Variants in HRH1 observed in about 807,000 individuals in gnomAD.
HRH1 encodes histamine H1 receptor.
In HRH1, 6 loss-of-function variants were observed where a neutral mutation model predicts 10.3. That is an observed-to-expected ratio of 0.58 (90% confidence interval 0.32 to 1.15). The LOEUF (loss-of-function observed/expected upper bound fraction) is 1.15. Ranked by LOEUF, HRH1 falls within the 50% of genes most tolerant of loss-of-function variation. The probability of loss-of-function intolerance (pLI) is 0.05; values close to 1 mark genes in which losing one functional copy is unlikely to be tolerated. For missense variants in HRH1, 514 were observed against 615.3 expected, an observed-to-expected ratio of 0.84 and a Z score of 1.74; for synonymous variants, 242 against 236.7, an observed-to-expected ratio of 1.02 and a Z score of -0.21.
intron 1 of HRH1, among the ~76,000 whole-genome samples, chr3:11,155,104 C>T (rs1020612025): frequency 2.0e-5 from 3 of 152,152 alleles, no homozygotes; most frequent in Non-Finnish European, 4.4e-5. Context: ...CGGAGTCATC[C>T]TGATCCAAAT....
At chr3:11,156,515 GA>G in intron 1 of HRH1, among the ~76,000 whole-genome samples, 1 of 152,308 alleles carries the variant, frequency 6.6e-6, no homozygotes, top group South Asian at 2.1e-4. Flanking sequence ...CCTTAGCAGA[GA>G]AAACACATAG....
intron 1 of HRH1, among the ~76,000 whole-genome samples, chr3:11,240,464 G>T (rs1376224338): frequency 6.6e-6 from 1 of 151,926 alleles, no homozygotes; most frequent in Non-Finnish European, 1.5e-5. Flanking sequence ...TCTCCAGGTT[G>T]CCCCGATCCC....
chr3:11,164,421 G>C (rs2125009785), intron 1 of HRH1, among the ~76,000 whole-genome samples: 1 of 152,284 alleles, frequency 6.6e-6, no homozygotes, highest in African/African-American at 2.4e-5. Context: ...ATGCTTCCAT[G>C]ACACTGTGCA....
intron 1 of HRH1, among the ~76,000 whole-genome samples, chr3:11,188,956 C>T (rs868548487): frequency 2.2e-4 from 34 of 152,194 alleles, no homozygotes; most frequent in African/African-American, 7.7e-4. Context: ...GACTTAATTT[C>T]CTCATTCCTG....
At chr3:11,215,038 G>T (rs1575018195) in intron 1 of HRH1, among the ~76,000 whole-genome samples, 1 of 152,218 alleles carries the variant, frequency 6.6e-6, no homozygotes, top group Non-Finnish European at 1.5e-5. Context: ...TGGTGACTAT[G>T]ACATGGCTGA....
intron 1 of HRH1, among the ~76,000 whole-genome samples, chr3:11,213,930 T>C (rs2125035954): frequency 6.6e-6 from 1 of 152,286 alleles, no homozygotes; most frequent in South Asian, 2.1e-4. Context: ...CGTAAAGAGA[T>C]GGCAGGTTTT....
intron 1 of HRH1, among the ~76,000 whole-genome samples, chr3:11,208,390 G>A (rs1440084990): frequency 6.6e-6 from 1 of 152,018 alleles, no homozygotes; most frequent in South Asian, 2.1e-4. Context: ...GAGCTCAAGC[G>A]ATCTACCCGC....
chr3:11,232,097 T>C (rs1288587234), intron 1 of HRH1, among the ~76,000 whole-genome samples: 2 of 151,974 alleles, frequency 1.3e-5, no homozygotes, highest in African/African-American at 4.8e-5. Context: ...TTCAAGCGAT[T>C]CTGCCTCAGC....
chr3:11,258,866 A>T (rs966014078), intron 1 of HRH1, 137 bp from the exon 2 acceptor site: 1 of 589,580 alleles, frequency 1.7e-6, no homozygotes, highest in African/African-American at 1.9e-5. Flanking sequence ...GGAAAAGGGT[A>T]CATGGCTATT....
At chr3:11,256,334 G>A (rs1313222686) in intron 1 of HRH1, among the ~76,000 whole-genome samples, 3 of 152,158 alleles carry the variant, frequency 2.0e-5, no homozygotes, top group Non-Finnish European at 4.4e-5. Flanking sequence ...CTACCCATTT[G>A]ACACATGAGA....
At chr3:11,159,241 C>T (rs1035492673) in intron 1 of HRH1, among the ~76,000 whole-genome samples, 46 of 152,080 alleles carry the variant, frequency 3.0e-4, no homozygotes, top group Non-Finnish European at 5.9e-5. Context: ...GAGTGAGACT[C>T]TGTCTCAAAA....
chr3:11,260,787 A>ATACG lies in HRH1; in HGVS notation c.*286_*287insTACG. On this transcript the variant is annotated 3_prime_UTR_variant, in exon 2 of 2. Coordinates refer to ENST00000431010, the MANE Select transcript of HRH1 (RefSeq NM_001098212.2). ...AAGAAAAAAATAATAAAAATAAAAG[A>ATACG]GAGAGAGAATCAGACCTGGGTGGAA... is the stretch of plus-strand genomic sequence containing the variant. 2.8e-6 allele frequency: 1 copy of ATACG among 355,418 alleles called. No homozygotes were observed. The highest frequency in any genetic ancestry group is 5.2e-6 in the Non-Finnish European group (1 of 190,696). The allele number at this position is 355,418 out of a possible 1,614,324, so 22.0% of individuals were successfully genotyped here.
chr3:11,234,679 A>T, intron 1 of HRH1: 1 of 1,171,992 alleles, frequency 8.5e-7, no homozygotes, highest in South Asian at 1.2e-5. Context: ...GCAGTAGGAC[A>T]TGGCTGCAGC....
chr3:11,233,516 C>T (rs973341946), intron 1 of HRH1, among the ~76,000 whole-genome samples: 1 of 152,002 alleles, frequency 6.6e-6, no homozygotes, highest in Non-Finnish European at 1.5e-5. Context: ...TAATTAGGTC[C>T]CCACCTCTCA....
intron 1 of HRH1, among the ~76,000 whole-genome samples, chr3:11,186,125 C>A (rs1364879214): frequency 2.0e-5 from 3 of 152,146 alleles, no homozygotes; most frequent in African/African-American, 7.2e-5. Context: ...GTTTTAAGCC[C>A]TTTCAATGCT....
At chr3:11,177,093 CAAA>C (rs373557001) in intron 1 of HRH1, among the ~76,000 whole-genome samples, 3 of 130,710 alleles carry the variant, frequency 2.3e-5, no homozygotes, top group Admixed American at 7.8e-5. Flanking sequence ...ACTCTTGTCT[CAAA>C]AAAAAAAAAA....
intron 1 of HRH1, among the ~76,000 whole-genome samples, chr3:11,201,778 C>T (rs1050087890): frequency 1.1e-4 from 16 of 152,220 alleles, no homozygotes; most frequent in African/African-American, 3.9e-4. Context: ...GAGTTGCTCA[C>T]AGGAAGCATG....
At chr3:11,190,086 G>A (rs761275911) in intron 1 of HRH1, among the ~76,000 whole-genome samples, 2 of 152,124 alleles carry the variant, frequency 1.3e-5, no homozygotes, top group Non-Finnish European at 2.9e-5. Context: ...GTGGCTTTGG[G>A]ACACCCTGAT....
intron 1 of HRH1, among the ~76,000 whole-genome samples, chr3:11,250,867 A>C (rs1306426315): frequency 3.3e-5 from 5 of 152,020 alleles, no homozygotes. Context: ...TTTTCTGCGC[A>C]CTCTGAAACG....
Sources: allele counts gnomAD v4.1 joint callset (sites outside exome capture counted in the v4.1 genomes callset), GRCh38; gene constraint gnomAD v4.1.1; transcripts MANE v1.5; gene names NCBI Gene and HGNC (gene_info 2026-07-23, HGNC 2026-07-21).